RAB3B: variants seen among roughly 807,000 people sequenced by gnomAD.
The protein encoded by RAB3B is RAB3B, member RAS oncogene family, also known as ras-related protein Rab-3B.
A neutral mutation model predicts 20.5 loss-of-function variants in RAB3B; 11 were observed. The ratio of observed to expected loss-of-function variants is 0.54; its 90% CI spans 0.34 to 0.89. The LOEUF is 0.89. RAB3B is among the 40% of genes least tolerant of loss of function. The probability of loss-of-function intolerance (pLI) is 0.02; values close to 1 mark genes in which losing one functional copy is unlikely to be tolerated. For missense variants in RAB3B, 225 were observed against 280.9 expected (o/e 0.80, Z 1.42); for synonymous variants, 99 against 106.3 (o/e 0.93, Z 0.42).
At chr1:51,952,422 C>A (rs562058858) in intron 2 of RAB3B, among the ~76,000 whole-genome samples, 1 of 152,240 alleles carries the variant, frequency 6.6e-6, no homozygotes, top group Non-Finnish European at 1.5e-5. Context: ...AGTGGATTAG[C>A]TGAAGGTCAT....
At chr1:51,930,239 A>G (rs1410430359) in intron 4 of RAB3B, among the ~76,000 whole-genome samples, 3 of 152,200 alleles carry the variant, frequency 2.0e-5, no homozygotes, top group Non-Finnish European at 4.4e-5. Context: ...ACCACTTGCT[A>G]ATGGTATAGC....
chr1:51,921,813 T>C (rs1684175835), intron 4 of RAB3B, among the ~76,000 whole-genome samples: 4 of 152,336 alleles, frequency 2.6e-5, no homozygotes, highest in Middle Eastern at 3.4e-3. Context: ...CTCCTCTCCA[T>C]CTTTCTAACA....
rs2124222650 is a variant in RAB3B at position 51,916,480 on chromosome 1, A to T, written c.*3447T>A. The T allele has an allele frequency of 6.6e-6, 1 of 152,336 alleles. No homozygotes were observed. The highest frequency in any genetic ancestry group is 2.1e-4 in the South Asian group (1 of 4,826). The allele number at this position is 152,336 out of a possible 1,614,324, so 9.4% of individuals were successfully genotyped here. On this transcript the variant is annotated 3_prime_UTR_variant, in exon 5 of 5. Transcript: ENST00000371655. ...TAGGTGAGTGTTAATGACCAGAAAAAAATAGTAATTATCCATGACACTGTA... is the reference window on the plus strand; with the variant it reads ...TAGGTGAGTGTTAATGACCAGAAAATAATAGTAATTATCCATGACACTGTA...
intron 2 of RAB3B, among the ~76,000 whole-genome samples, chr1:51,938,046 A>G (rs1684433720): frequency 7.7e-6 from 1 of 130,450 alleles, no homozygotes; most frequent in African/African-American, 3.0e-5. Flanking sequence ...TCTGTTGCCC[A>G]GGCTGAGAGC....
Position 51,911,771 on chromosome 1 carries a change from C to T in RAB3B, c.*8156G>A, listed in dbSNP as rs144922366. On this transcript the variant is annotated 3_prime_UTR_variant, in exon 5 of 5. Coordinates refer to ENST00000371655, the MANE Select transcript of RAB3B (RefSeq NM_002867.4). ...AGACCTCATATCTTCAAATATTTGC[C>T]ACTCAAATGGAAAAAGAATAGGTCC... 3.9e-4 allele frequency: 60 copies of T among 152,276 alleles called. No homozygotes were observed. Among genetic ancestry groups the T allele is most frequent in the African/African-American group, 1.3e-3 (55 of 41,562 alleles). The allele number at this position is 152,276 out of a possible 1,614,324, so 9.4% of individuals were successfully genotyped here. A position where few individuals can be genotyped will look rare whatever the true frequency, so the allele number is the denominator to read the frequency against.
chr1:51,981,313 C>T (rs1685085218), intron 1 of RAB3B, among the ~76,000 whole-genome samples: 1 of 152,210 alleles, frequency 6.6e-6, no homozygotes, highest in Non-Finnish European at 1.5e-5. Context: ...CAGGCGAGAG[C>T]CACCACACCC....
chr1:51,927,239 C>T (rs906595393), intron 4 of RAB3B, among the ~76,000 whole-genome samples: 5 of 152,154 alleles, frequency 3.3e-5, no homozygotes, highest in South Asian at 2.1e-4. Context: ...GTCATGAATG[C>T]GGAATTGGGT....
chr1:51,933,318 C>A lies in RAB3B; in HGVS notation c.472G>T (p.Gly158Trp). The change falls in exon 4 of 5, where the codon GGG becomes TGG. Residue 158 changes from glycine (G) to tryptophan (W), a missense_variant and splice_region_variant. Coordinates refer to ENST00000371655, the MANE Select transcript of RAB3B (RefSeq NM_002867.4). ...EKGQLLAEQLGFDFFEASAKE... is the reference protein window; with the variant it reads ...EKGQLLAEQLWFDFFEASAKE... The stretch of plus-strand genomic sequence containing the variant: ...GCACATACATGTGTCATGTACATAC[C>A]AAGCTGCTCTGCAAGGAGCTGGCCC... 3 of 1,613,714 alleles carry A rather than the reference C, an allele frequency of 1.9e-6. No individual in the cohort carries two copies. Among genetic ancestry groups the A allele is most frequent in the Non-Finnish European group, 2.5e-6 (3 of 1,179,890 alleles).
intron 1 of RAB3B, among the ~76,000 whole-genome samples, chr1:51,987,204 C>T (rs1557980259): frequency 6.6e-6 from 1 of 151,950 alleles, no homozygotes; most frequent in Non-Finnish European, 1.5e-5. Context: ...AGGAGAGAGC[C>T]CTAAAATCCA....
chr1:51,968,787 T>C (rs1684889952), intron 2 of RAB3B, among the ~76,000 whole-genome samples: 1 of 152,232 alleles, frequency 6.6e-6, no homozygotes, highest in Non-Finnish European at 1.5e-5. Context: ...ATAAGGCAGA[T>C]GACTGATAAG....
intron 3 of RAB3B, among the ~76,000 whole-genome samples, chr1:51,935,328 T>C (rs1684384397): frequency 6.6e-6 from 1 of 152,142 alleles, no homozygotes; most frequent in Non-Finnish European, 1.5e-5. Context: ...CCACCACTTC[T>C]TGTGGGCCCA....
intron 2 of RAB3B, among the ~76,000 whole-genome samples, chr1:51,951,866 T>C (rs2809944): frequency 0.23 from 35,424 of 152,152 alleles, 4,654 homozygotes; most frequent in Non-Finnish European, 0.29. Flanking sequence ...AGCAACTGGT[T>C]AGGTCCTTGA....
chr1:51,924,280 G>T (rs1684213962), intron 4 of RAB3B, among the ~76,000 whole-genome samples: 1 of 152,154 alleles, frequency 6.6e-6, no homozygotes, highest in Non-Finnish European at 1.5e-5. Context: ...TAGACACATT[G>T]ACAATATTAC....
At chr1:51,989,664 A>G (rs1685197262) in intron 1 of RAB3B, among the ~76,000 whole-genome samples, 1 of 151,578 alleles carries the variant, frequency 6.6e-6, no homozygotes, top group Non-Finnish European at 1.5e-5. Flanking sequence ...TCCACTCCTG[A>G]CCAGAATGTA....
At chr1:51,922,569 T>C (rs1684186585) in intron 4 of RAB3B, among the ~76,000 whole-genome samples, 2 of 152,218 alleles carry the variant, frequency 1.3e-5, no homozygotes, top group South Asian at 2.1e-4. Flanking sequence ...TTCCTATATG[T>C]TCCTGGCCCA....
At chr1:51,924,932 T>C (rs908555000) in intron 4 of RAB3B, among the ~76,000 whole-genome samples, 6 of 152,166 alleles carry the variant, frequency 3.9e-5, no homozygotes, top group African/African-American at 1.4e-4. Context: ...CTTCTCCTAA[T>C]TGGCTTCAGA....
chr1:51,945,567 T>C (rs1465701088), intron 2 of RAB3B, among the ~76,000 whole-genome samples: 1 of 152,192 alleles, frequency 6.6e-6, no homozygotes, highest in Non-Finnish European at 1.5e-5. Flanking sequence ...TTAATAATGT[T>C]ATTATATGCG....
At chr1:51,926,318 G>A (rs1684243358) in intron 4 of RAB3B, among the ~76,000 whole-genome samples, 1 of 152,188 alleles carries the variant, frequency 6.6e-6, no homozygotes, top group South Asian at 2.1e-4. Context: ...ACTGTGAACT[G>A]CCCTGCCTGC....
chr1:51,972,282 G>A (rs1280560635), intron 2 of RAB3B, among the ~76,000 whole-genome samples: 1 of 152,198 alleles, frequency 6.6e-6, no homozygotes, highest in Non-Finnish European at 1.5e-5. Context: ...ATCTTGGAAA[G>A]TGAAACCAAG....
Sources: allele counts gnomAD v4.1 joint callset (sites outside exome capture counted in the v4.1 genomes callset), GRCh38; gene constraint gnomAD v4.1.1; transcripts MANE v1.5; gene names NCBI Gene and HGNC (gene_info 2026-07-23, HGNC 2026-07-21).